Variants in FHOD3 observed in about 807,000 individuals in gnomAD.
The protein encoded by FHOD3 is formin homology 2 domain containing 3, also known as FH1/FH2 domain-containing protein 3.
Under a neutral mutation model 173.0 loss-of-function variants are expected in FHOD3, and 90 were observed. The ratio of observed to expected loss-of-function variants is 0.52; its 90% CI spans 0.44 to 0.62. The LOEUF is 0.62. Ranked by LOEUF, FHOD3 falls within the 20% of genes least tolerant of loss-of-function variation. The pLI, the probability that FHOD3 is intolerant of heterozygous loss-of-function variation, is 0.00. For synonymous variants in FHOD3, 828 were observed against 823.0 expected, an observed-to-expected ratio of 1.01 and a Z score of -0.10; for missense variants, 1,945 against 2,034.7, an observed-to-expected ratio of 0.96 and a Z score of 0.85.
chr18:36,612,994 A>G (rs566866179), intron 9 of FHOD3, among the ~76,000 whole-genome samples: 4 of 152,342 alleles, frequency 2.6e-5, no homozygotes, highest in Admixed American at 6.5e-5. Flanking sequence ...TCATTTCAGC[A>G]TAAGTTGTTG....
At chr18:36,685,337 T>C (rs2038535204) in intron 15 of FHOD3, among the ~76,000 whole-genome samples, 2 of 152,220 alleles carry the variant, frequency 1.3e-5, no homozygotes, top group African/African-American at 4.8e-5. Flanking sequence ...CTAATTATGG[T>C]GACTGCAGTT....
In FHOD3 at chr18:36,480,921, G is replaced by A. The variant is rs575031599; in HGVS notation, c.338-21011G>A. Among the ~76,000 whole-genome samples the A allele has an allele frequency of 2.1e-4, 32 of 151,532 alleles. No individual in the cohort carries two copies. In the South Asian group the frequency reaches 5.4e-3, roughly 26 times the overall value. ...TGCCTTGAGCACTTCCTTCTTCATG[G>A]CATTAGGAAAGCATTCATGTTCTCT... On this transcript the variant is annotated intron_variant, in intron 3 of 28. Transcript: ENST00000590592.
At chr18:36,697,334 C>G (rs2039342464) in intron 17 of FHOD3, among the ~76,000 whole-genome samples, 1 of 152,184 alleles carries the variant, frequency 6.6e-6, no homozygotes, top group Admixed American at 6.5e-5. Flanking sequence ...AAACGAGTCC[C>G]TCCTGAGGCC....
intron 1 of FHOD3, among the ~76,000 whole-genome samples, chr18:36,350,771 C>T (rs1203477121): frequency 6.6e-6 from 1 of 152,170 alleles, no homozygotes; most frequent in African/African-American, 2.4e-5. Flanking sequence ...TGTGTAATAA[C>T]TGGATTTGAA....
intron 3 of FHOD3, among the ~76,000 whole-genome samples, chr18:36,482,858 C>CACACACACACACAGAGAG (rs1400178557): frequency 3.7e-4 from 48 of 130,448 alleles, no homozygotes; most frequent in African/African-American, 1.4e-3. Flanking sequence ...CACACACACA[C>CACACACACACACAGAGAG]AGAGAGAGAG....
intron 14 of FHOD3, among the ~76,000 whole-genome samples, chr18:36,665,162 C>G (rs937525896): frequency 2.0e-5 from 3 of 152,190 alleles, no homozygotes; most frequent in East Asian, 1.9e-4. Context: ...TTCCTTCCCT[C>G]AAAGCCCAGT....
At chr18:36,757,522 A>C (rs917921056) in intron 25 of FHOD3, among the ~76,000 whole-genome samples, 1 of 152,228 alleles carries the variant, frequency 6.6e-6, no homozygotes, top group Non-Finnish European at 1.5e-5. Flanking sequence ...GCCAGACAGT[A>C]GACTTAGAAT....
intron 16 of FHOD3, among the ~76,000 whole-genome samples, chr18:36,690,919 T>A (rs1445753443): frequency 6.6e-6 from 1 of 152,182 alleles, no homozygotes; most frequent in African/African-American, 2.4e-5. Flanking sequence ...TCCCTCTACC[T>A]CTGCTTCTAC....
intron 3 of FHOD3, among the ~76,000 whole-genome samples, chr18:36,434,439 G>A (rs976911867): frequency 2.0e-5 from 3 of 152,182 alleles, no homozygotes; most frequent in African/African-American, 7.2e-5. Context: ...TTAGGCCGAT[G>A]CTATACACTC....
At position 36,380,568 on chromosome 18, in the gene FHOD3, T is replaced by TTTCCTTTCCTTTCCTTTCCTTTCCTTTCC. The variant is rs1555686552; in HGVS notation, c.337+7826_337+7827insCCTTTCCTTTCCTTTCCTTTCCTTTCCTT. ...CTTTCTTTTGTTTTCTTTTCTTTTC[T>TTTCCTTTCCTTTCCTTTCCTTTCCTTTCC]TTTCTTTTCTTTTCCTTTCCTTTCC... On this transcript the variant is annotated intron_variant, in intron 3 of 28. Transcript: ENST00000590592. Among the ~76,000 whole-genome samples the TTTCCTTTCCTTTCCTTTCCTTTCCTTTCC allele has an allele frequency of 2.5e-4, 21 of 83,160 alleles. No individual in the cohort carries two copies. The East Asian group carries it at 2.8e-3, about 11-fold the overall frequency. The allele number at this position is 83,160 out of a possible 152,430, so 54.6% of individuals were successfully genotyped here. A position where few individuals can be genotyped will look rare whatever the true frequency, so the allele number is the denominator to read the frequency against.
In FHOD3 at chr18:36,322,137, C is replaced by T. The variant is rs577618745; in HGVS notation, c.165+24137C>T. On this transcript the variant is annotated intron_variant, in intron 1 of 28. Coordinates refer to ENST00000590592, the MANE Select transcript of FHOD3 (RefSeq NM_001281740.3). ...GGTGGAGGGTGGGTTGGAAGGGTGG[C>T]GTCTTCTGTGATGGTGGGAGAAATT... 1.5e-4 allele frequency among the ~76,000 whole-genome samples: 23 copies of T among 152,010 alleles called. No individual in the cohort carries two copies. In the South Asian group the frequency reaches 3.1e-3, roughly 21 times the overall value.
chr18:36,660,714 C>T (rs2036734447), intron 14 of FHOD3, among the ~76,000 whole-genome samples: 1 of 152,186 alleles, frequency 6.6e-6, no homozygotes. Flanking sequence ...AGGAGCCTGT[C>T]TGACATCCAG....
chr18:36,374,835 T>A (rs1000018527), intron 3 of FHOD3, among the ~76,000 whole-genome samples: 1 of 152,234 alleles, frequency 6.6e-6, no homozygotes, highest in Non-Finnish European at 1.5e-5. Flanking sequence ...AGGTCTTGTT[T>A]ATGTTTATGT....
chr18:36,371,264 A>G (rs942948204), intron 2 of FHOD3, among the ~76,000 whole-genome samples: 3 of 152,218 alleles, frequency 2.0e-5, no homozygotes, highest in Admixed American at 6.5e-5. Context: ...AAGAATCCAT[A>G]TTAGTCTGTT....
intron 27 of FHOD3, among the ~76,000 whole-genome samples, chr18:36,763,383 C>T (rs965485140): frequency 6.9e-6 from 1 of 144,308 alleles, no homozygotes; most frequent in Non-Finnish European, 1.5e-5. Flanking sequence ...GTATTATACA[C>T]GTTATATACA....
chr18:36,368,483 ACT>A (rs955384756), intron 2 of FHOD3, among the ~76,000 whole-genome samples: 4 of 151,802 alleles, frequency 2.6e-5, no homozygotes, highest in Admixed American at 2.0e-4. Context: ...AGGGGCACTG[ACT>A]CTAGGGTCAG....
Position 36,625,496 on chromosome 18 carries a change from G to A in FHOD3, c.958-15G>A, listed in dbSNP as rs563337423. 1.7e-5 allele frequency: 24 copies of A among 1,407,420 alleles called. No homozygotes were observed. The South Asian group carries it at 3.5e-4, about 21-fold the overall frequency. 87.2% of individuals were successfully genotyped at this position (1,407,420 alleles called of 1,614,324 possible). A position where few individuals can be genotyped will look rare whatever the true frequency, so the allele number is the denominator to read the frequency against. Reference sequence around the variant, plus strand: ...CCAAGCCTGACCTTGCACTGGGCGTGCTCTGCTTTTCCAGGTGGCGCTCAG... The same window carrying A: ...CCAAGCCTGACCTTGCACTGGGCGTACTCTGCTTTTCCAGGTGGCGCTCAG... On this transcript the variant is annotated splice_polypyrimidine_tract_variant and intron_variant, in intron 9 of 28. Transcript: ENST00000590592.
chr18:36,512,217 T>A (rs2055696860), intron 4 of FHOD3, among the ~76,000 whole-genome samples: 1 of 152,248 alleles, frequency 6.6e-6, no homozygotes, highest in Non-Finnish European at 1.5e-5. Context: ...CTTTATTAGA[T>A]TGCCCAGAAG....
intron 5 of FHOD3, among the ~76,000 whole-genome samples, chr18:36,564,806 T>A (rs2058207865): frequency 1.3e-5 from 2 of 152,112 alleles, no homozygotes; most frequent in South Asian, 4.2e-4. Flanking sequence ...AGGTCTGATT[T>A]TTTTAACAAC....
Sources: gnomAD v4.1 joint callset for allele counts (sites outside exome capture counted in the v4.1 genomes callset) on GRCh38, gnomAD v4.1.1 for gene constraint, MANE v1.5 for transcripts, NCBI Gene and HGNC (gene_info 2026-07-23, HGNC 2026-07-21) for gene names.